Variants in CNMD observed in about 807,000 individuals in gnomAD.
CNMD encodes leukocyte cell-derived chemotaxin 1.
CNMD carries 30 observed loss-of-function variants against 37.5 expected under a neutral mutation model. The ratio of observed to expected loss-of-function variants is 0.80; its 90% CI spans 0.60 to 1.09. The LOEUF (loss-of-function observed/expected upper bound fraction) is 1.09, where lower values mean the gene tolerates loss of function less well. CNMD is among the 50% of genes least tolerant of loss of function. The pLI is 0.00. For synonymous variants in CNMD, 167 were observed against 148.2 expected (o/e 1.13, Z -0.92); for missense variants, 398 against 423.9 (o/e 0.94, Z 0.54).
intron 6 of CNMD, among the ~76,000 whole-genome samples, chr13:52,707,814 C>T (rs1964211018): frequency 6.6e-6 from 1 of 152,014 alleles, no homozygotes; most frequent in South Asian, 2.1e-4. Flanking sequence ...AATTATAAAC[C>T]TTGCAAAAGG....
chr13:52,706,210 G>T lies in CNMD; in HGVS notation c.789+2326C>A, dbSNP rs777346558. Among the ~76,000 whole-genome samples, 9 of 152,020 alleles carry T rather than the reference G, an allele frequency of 5.9e-5. 1 individual carries two copies. Among genetic ancestry groups the T allele is most frequent in the East Asian group, 3.9e-4 (2 of 5,188 alleles). On this transcript the variant is annotated intron_variant, in intron 6 of 6. Coordinates refer to ENST00000377962, the MANE Select transcript of CNMD (RefSeq NM_007015.3). ...ATTTACACCCAAGAGATTGGTGAAA[G>T]TTTTTTTTAAGTTTGGTAAGAAGTG...
intron 3 of CNMD, among the ~76,000 whole-genome samples, chr13:52,724,417 CAAAAAAAAAAAAAAAAAAA>C (rs71094319): frequency 1.2e-5 from 1 of 85,850 alleles, no homozygotes; most frequent in Non-Finnish European, 2.1e-5. Context: ...ACTAAAAATA[CAAAAAAAAAAAAAAAAAAA>C]AAAAATTAGC....
intron 5 of CNMD, among the ~76,000 whole-genome samples, chr13:52,710,044 G>T (rs1347682125): frequency 6.6e-6 from 1 of 152,160 alleles, no homozygotes; most frequent in African/African-American, 2.4e-5. Flanking sequence ...TCTGTAAAAT[G>T]GGGATAATAG....
chr13:52,706,771 AAAGAAACTGGACAAATAGTCATTGTT>A (rs1964185066), intron 6 of CNMD, among the ~76,000 whole-genome samples: 1 of 152,250 alleles, frequency 6.6e-6, no homozygotes, highest in Non-Finnish European at 1.5e-5. Flanking sequence ...GTACTTATGC[AAAGAAACTGGACAAATAGTCATTGTT>A]AATAGTTTGC....
intron 5 of CNMD, 26 bp downstream of exon 5, chr13:52,712,689 AC>A: frequency 2.2e-5 from 32 of 1,428,756 alleles, no homozygotes; most frequent in Non-Finnish European, 2.8e-5. Flanking sequence ...AAAGTTGTAA[AC>A]AGCTTAAGAT....
chr13:52,730,689 T>C (rs113855564), intron 3 of CNMD, among the ~76,000 whole-genome samples: 1 of 152,326 alleles, frequency 6.6e-6, no homozygotes, highest in Non-Finnish European at 1.5e-5. Context: ...TTTCTAAGGC[T>C]TTTTGTTATA....
At chr13:52,717,386 A>T (rs997019022) in intron 4 of CNMD, among the ~76,000 whole-genome samples, 3 of 152,228 alleles carry the variant, frequency 2.0e-5, no homozygotes, top group Non-Finnish European at 4.4e-5. Flanking sequence ...TATGTTGAAT[A>T]GGAGTGGCAA....
At chr13:52,732,404 C>T (rs896135990) in intron 3 of CNMD, among the ~76,000 whole-genome samples, 4 of 152,092 alleles carry the variant, frequency 2.6e-5, no homozygotes, top group South Asian at 2.1e-4. Flanking sequence ...AGATGTACAC[C>T]GAAACATTGC....
chr13:52,708,559 A>G lies in CNMD; in HGVS notation c.766T>C (p.Phe256Leu). The G allele has an allele frequency of 6.2e-7, 1 of 1,612,218 alleles. No individual in the cohort carries two copies. The highest frequency in any genetic ancestry group is 8.5e-7 in the Non-Finnish European group (1 of 1,179,564). The change falls in exon 6 of 7, where the codon TTC becomes CTC. Residue 256 changes from phenylalanine (F) to leucine (L), a missense_variant. Coordinates refer to ENST00000377962, the MANE Select transcript of CNMD (RefSeq NM_007015.3). ...RPSVQEDSQA[F>L]NPDNPYHQQE... ...ACATGATAAGGATTATCAGGATTGA[A>G]GGCTTGTGAGTCCTCTTGAACACTG...
At chr13:52,720,994 C>A (rs1439508483) in intron 4 of CNMD, among the ~76,000 whole-genome samples, 1 of 152,170 alleles carries the variant, frequency 6.6e-6, no homozygotes, top group South Asian at 2.1e-4. Context: ...TCAGAGATGC[C>A]CTGCCTGGAG....
Position 52,739,357 on chromosome 13 carries a change from G to T in CNMD, c.73-186C>A. On this transcript the variant is annotated intron_variant, in intron 1 of 6. Transcript: ENST00000377962. The surrounding 1 kb of genome is among the most constrained non-coding windows in gnomAD (Gnocchi z 5.4). Reference sequence around the variant, plus strand: ...CCGAGGGTCCTTTGCAGTCGGGCGTGGAAGTGGGATGAGCAAACCCCGCAG... The same window carrying T: ...CCGAGGGTCCTTTGCAGTCGGGCGTTGAAGTGGGATGAGCAAACCCCGCAG... 1 of 748,778 alleles carries T rather than the reference G, an allele frequency of 1.3e-6. No individual in the cohort carries two copies. The highest frequency in any genetic ancestry group is 2.1e-6 in the Non-Finnish European group (1 of 483,136). The allele number at this position is 748,778 out of a possible 1,614,324, so 46.4% of individuals were successfully genotyped here.
Position 52,714,149 on chromosome 13 carries a change from T to G in CNMD, c.469-1280A>C, listed in dbSNP as rs1246281854. Reference sequence around the variant, plus strand: ...TCGTGGTTGGCATTGCTCAATGTCTTTCTTCCTGACATTTTTACTTGAATG... The same window carrying G: ...TCGTGGTTGGCATTGCTCAATGTCTGTCTTCCTGACATTTTTACTTGAATG... On this transcript the variant is annotated intron_variant, in intron 4 of 6. Coordinates refer to ENST00000377962, the MANE Select transcript of CNMD (RefSeq NM_007015.3). 2.0e-5 allele frequency among the ~76,000 whole-genome samples: 3 copies of G among 152,210 alleles called. No homozygotes were observed. The East Asian group carries it at 5.8e-4, about 29-fold the overall frequency.
rs60259141 is a variant in CNMD, at chr13:52,729,940, T to C, written c.354+3279A>G. Among the ~76,000 whole-genome samples, 1,028 of 151,994 alleles carry C rather than the reference T, an allele frequency of 6.8e-3. 12 individuals carry two copies. The highest frequency in any genetic ancestry group is 0.024 in the African/African-American group (988 of 41,438). ...GTGAGCTGCACCCATTAACTCGTCA[T>C]TTAGCATTAGGTATATCTCCTCATG... is the stretch of plus-strand genomic sequence containing the variant. On this transcript the variant is annotated intron_variant, in intron 3 of 6. Coordinates refer to ENST00000377962, the MANE Select transcript of CNMD (RefSeq NM_007015.3).
intron 5 of CNMD, among the ~76,000 whole-genome samples, chr13:52,710,839 G>T (rs1002708444): frequency 1.3e-5 from 2 of 152,044 alleles, no homozygotes; most frequent in African/African-American, 4.8e-5. Flanking sequence ...TCACGCTATT[G>T]GGCTGGGAGG....
chr13:52,734,696 A>G (rs1964727417), intron 2 of CNMD, among the ~76,000 whole-genome samples: 3 of 152,150 alleles, frequency 2.0e-5, no homozygotes, highest in Non-Finnish European at 1.5e-5. Flanking sequence ...GAGGAATGAG[A>G]ACTGATGAAA....
intron 4 of CNMD, among the ~76,000 whole-genome samples, chr13:52,713,241 C>A (rs1281173617): frequency 5.3e-5 from 8 of 152,178 alleles, no homozygotes; most frequent in Admixed American, 3.9e-4. Flanking sequence ...TAGAGGAACC[C>A]TTCATTTGAA....
intron 5 of CNMD, among the ~76,000 whole-genome samples, chr13:52,711,318 A>C (rs1302728733): frequency 1.3e-5 from 2 of 152,188 alleles, no homozygotes; most frequent in Non-Finnish European, 2.9e-5. Flanking sequence ...AGGCCCACCC[A>C]GGTGGTGGCA....
At chr13:52,728,563 TG>T (rs1309426096) in intron 3 of CNMD, among the ~76,000 whole-genome samples, 1 of 152,150 alleles carries the variant, frequency 6.6e-6, no homozygotes, top group African/African-American at 2.4e-5. Flanking sequence ...TGCTACCTCC[TG>T]TAGGGCTGCT....
intron 4 of CNMD, among the ~76,000 whole-genome samples, chr13:52,716,914 A>G (rs1219030244): frequency 1.3e-5 from 2 of 152,280 alleles, no homozygotes; most frequent in East Asian, 3.9e-4. Flanking sequence ...TGGGGATAGC[A>G]TTGAATCTAT....
Sources: allele counts gnomAD v4.1 joint callset (sites outside exome capture counted in the v4.1 genomes callset), GRCh38; gene constraint gnomAD v4.1.1; non-coding constraint Gnocchi (gnomAD v3.1); transcripts MANE v1.5; gene names NCBI Gene and HGNC (gene_info 2026-07-23, HGNC 2026-07-21).